ZNF385D: variants seen among roughly 807,000 people sequenced by gnomAD.
ZNF385D encodes zinc finger protein 659.
ZNF385D carries 15 observed loss-of-function variants against 35.8 expected under a neutral mutation model. That is an observed-to-expected ratio of 0.42 (90% confidence interval 0.28 to 0.64). The LOEUF (loss-of-function observed/expected upper bound fraction) is 0.64, where lower values mean the gene tolerates loss of function less well. Ranked by LOEUF, ZNF385D falls within the 30% of genes least tolerant of loss-of-function variation. The pLI is 0.23. For missense variants in ZNF385D, 474 were observed against 494.6 expected (o/e 0.96, Z 0.39); for synonymous variants, 212 against 186.8 (o/e 1.13, Z -1.10).
At chr3:22,340,926 G>C (rs922033012) in intron 2 of ZNF385D, among the ~76,000 whole-genome samples, 1 of 152,134 alleles carries the variant, frequency 6.6e-6, no homozygotes, top group Non-Finnish European at 1.5e-5. Flanking sequence ...TCTTTCCTTT[G>C]TATATTCTAT....
At chr3:21,989,058 C>G (rs1694994878) in intron 3 of ZNF385D, among the ~76,000 whole-genome samples, 1 of 152,110 alleles carries the variant, frequency 6.6e-6, no homozygotes, top group Admixed American at 6.5e-5. Flanking sequence ...CTGTCTGGCA[C>G]TCCCTAGTGA....
At chr3:21,844,414 C>T (rs993071003) in intron 3 of ZNF385D, among the ~76,000 whole-genome samples, 12 of 141,956 alleles carry the variant, frequency 8.5e-5, no homozygotes, top group Admixed American at 8.2e-4. Flanking sequence ...GATGATTAGC[C>T]ATTATAGATG....
chr3:21,795,627 G>A (rs1215873514), intron 3 of ZNF385D, among the ~76,000 whole-genome samples: 2 of 152,202 alleles, frequency 1.3e-5, no homozygotes, highest in African/African-American at 2.4e-5. Flanking sequence ...GGAAGAGAAG[G>A]TTAGGATGTC....
chr3:22,274,154 T>C (rs1701312231), intron 2 of ZNF385D, among the ~76,000 whole-genome samples: 1 of 151,896 alleles, frequency 6.6e-6, no homozygotes, highest in African/African-American at 2.4e-5. Flanking sequence ...TTGGATTTTC[T>C]TCCCTCCATT....
chr3:21,615,629 T>C (rs919923273), intron 2 of ZNF385D, among the ~76,000 whole-genome samples: 2 of 152,160 alleles, frequency 1.3e-5, no homozygotes, highest in African/African-American at 4.8e-5. Flanking sequence ...TTTTTCAACA[T>C]CAAAACACTA....
intron 2 of ZNF385D, among the ~76,000 whole-genome samples, chr3:22,240,121 T>C (rs2125312405): frequency 7.0e-6 from 1 of 142,850 alleles, no homozygotes; most frequent in East Asian, 2.1e-4. Flanking sequence ...AGGTCAAGGC[T>C]GCAGTGAGCC....
chr3:21,768,973 G>GAAAACA lies in ZNF385D; in HGVS notation c.326-103951_326-103946dup, dbSNP rs202189201. Among the ~76,000 whole-genome samples the GAAAACA allele has an allele frequency of 4.7e-3, 709 of 151,990 alleles. 5 individuals carry two copies. Among genetic ancestry groups the GAAAACA allele is most frequent in the African/African-American group, 0.016 (654 of 41,456 alleles). On this transcript the variant is annotated intron_variant, in intron 3 of 5. Transcript: ENST00000494108. ...TTCCCAGGGAAAGTCACAGGCTCAG[G>GAAAACA]AAAACAAAAACAAAAACAAAAACCG...
chr3:21,995,425 C>T (rs924718486), intron 3 of ZNF385D, among the ~76,000 whole-genome samples: 9 of 152,102 alleles, frequency 5.9e-5, no homozygotes, highest in South Asian at 4.1e-4. Flanking sequence ...AGTTTATCCC[C>T]AGGATCTCAG....
At chr3:21,575,371 CAAAT>C (rs900094409) in intron 2 of ZNF385D, among the ~76,000 whole-genome samples, 10 of 152,078 alleles carry the variant, frequency 6.6e-5, no homozygotes, top group Non-Finnish European at 1.3e-4. Flanking sequence ...GTTCATTTAA[CAAAT>C]AAATTCATTC....
chr3:22,309,306 G>T (rs1345327716), intron 2 of ZNF385D, among the ~76,000 whole-genome samples: 1 of 151,858 alleles, frequency 6.6e-6, no homozygotes, highest in Non-Finnish European at 1.5e-5. Context: ...TCTCTGCCCT[G>T]TACAGTTAAA....
intron 3 of ZNF385D, among the ~76,000 whole-genome samples, chr3:22,138,341 T>A (rs960176316): frequency 6.6e-6 from 1 of 152,008 alleles, no homozygotes; most frequent in Non-Finnish European, 1.5e-5. Flanking sequence ...GGAATCAAAA[T>A]AGAACCCGCA....
intron 2 of ZNF385D, among the ~76,000 whole-genome samples, chr3:22,210,266 A>G (rs956468304): frequency 1.3e-5 from 2 of 152,072 alleles, no homozygotes; most frequent in East Asian, 1.9e-4. Flanking sequence ...TTAATACCTT[A>G]CATAACTAAT....
intron 3 of ZNF385D, among the ~76,000 whole-genome samples, chr3:21,803,852 C>G (rs909952350): frequency 6.6e-6 from 1 of 152,218 alleles, no homozygotes; most frequent in African/African-American, 2.4e-5. Context: ...AATGCTTTCA[C>G]AGGTTCCCAT....
At chr3:21,710,142 G>T (rs917865376) in intron 1 of ZNF385D, among the ~76,000 whole-genome samples, 2 of 152,006 alleles carry the variant, frequency 1.3e-5, no homozygotes, top group African/African-American at 4.8e-5. Flanking sequence ...TGGGTATGGG[G>T]GTATGGTTTA....
chr3:21,809,969 A>C (rs1349984861), intron 3 of ZNF385D, among the ~76,000 whole-genome samples: 7 of 152,168 alleles, frequency 4.6e-5, no homozygotes, highest in Non-Finnish European at 1.0e-4. Flanking sequence ...CATTTCAAGA[A>C]AAATTTACAT....
intron 3 of ZNF385D, among the ~76,000 whole-genome samples, chr3:21,947,589 A>AT (rs1701854947): frequency 6.6e-6 from 1 of 152,036 alleles, no homozygotes; most frequent in South Asian, 2.1e-4. Flanking sequence ...TGACCTCACG[A>AT]ACCGCCCACA....
chr3:22,355,795 A>C (rs1696122595), intron 2 of ZNF385D, among the ~76,000 whole-genome samples: 1 of 152,032 alleles, frequency 6.6e-6, no homozygotes, highest in Admixed American at 6.6e-5. Flanking sequence ...GGAATAATTA[A>C]AAACAGATTT....
In ZNF385D at chr3:22,210,729, C is replaced by T. The variant is rs376877337; in HGVS notation, c.107-41694G>A. Among the ~76,000 whole-genome samples, 28 of 151,926 alleles carry T rather than the reference C, an allele frequency of 1.8e-4. 1 individual carries two copies. In the South Asian group the frequency reaches 5.4e-3, roughly 29 times the overall value. On this transcript the variant is annotated intron_variant, in intron 2 of 5. Coordinates refer to the ZNF385D transcript ENST00000494108. Reference sequence around the variant, plus strand: ...AATTAATCTCTCACCTACTAGCAAACCATTTCCCTCTACACCATTTACACT... The same window carrying T: ...AATTAATCTCTCACCTACTAGCAAATCATTTCCCTCTACACCATTTACACT...
intron 2 of ZNF385D, among the ~76,000 whole-genome samples, chr3:22,278,880 C>G (rs1365926104): frequency 6.6e-6 from 1 of 152,016 alleles, no homozygotes; most frequent in Non-Finnish European, 1.5e-5. Flanking sequence ...ATTGGCTTGA[C>G]GTGACCTTTT....
Sources: allele counts gnomAD v4.1 joint callset (sites outside exome capture counted in the v4.1 genomes callset), GRCh38; gene constraint gnomAD v4.1.1; transcripts MANE v1.5; gene names NCBI Gene and HGNC (gene_info 2026-07-23, HGNC 2026-07-21).